Variants in ABI3BP observed in about 807,000 individuals in gnomAD.
ABI3BP encodes the protein ABI family member 3 binding protein, also known as target of Nesh-SH3.
Under a neutral mutation model 268.6 loss-of-function variants are expected in ABI3BP, and 216 were observed. That is an observed-to-expected ratio of 0.80 (90% confidence interval 0.72 to 0.90). The LOEUF is 0.90. Among genes scored for constraint, ABI3BP ranks in the 40% least tolerant of loss-of-function variants. ABI3BP has a pLI of 0.00. For missense variants in ABI3BP, 2,090 were observed against 2,182.4 expected, an observed-to-expected ratio of 0.96 and a Z score of 0.84; for synonymous variants, 730 against 730.0, an observed-to-expected ratio of 1.00 and a Z score of 0.00.
In ABI3BP at chr3:100,834,709, G is replaced by A; in HGVS notation, c.2256C>T (p.Arg752=). Residue 752 remains arginine, a synonymous_variant, in exon 29 of 68, where the codon CGC becomes CGT. Transcript: ENST00000471714. ...CTAGTTTGGTCTGCAGTGTCTCTGG[G>A]CGTGGCGTGGTTTTATGTTTGGGAC... ...RPRPKHKTTP[R]PETLQTKLDF... 7.8e-6 allele frequency: 12 copies of A among 1,535,702 alleles called. No homozygotes were observed. The highest frequency in any genetic ancestry group is 1.0e-5 in the Non-Finnish European group (12 of 1,146,540).
intron 24 of ABI3BP, among the ~76,000 whole-genome samples, chr3:100,839,279 G>A (rs1295954356): frequency 1.3e-5 from 2 of 152,302 alleles, no homozygotes; most frequent in East Asian, 3.9e-4. Context: ...CCCTGTCTGA[G>A]AAGGAGTTGA....
chr3:100,913,442 A>G (rs2057493792), intron 2 of ABI3BP, among the ~76,000 whole-genome samples: 1 of 152,210 alleles, frequency 6.6e-6, no homozygotes, highest in African/African-American at 2.4e-5. Context: ...GACCAACTCA[A>G]GAACATCACT....
chr3:100,781,823 C>T (rs2096872757), intron 57 of ABI3BP, among the ~76,000 whole-genome samples: 2 of 152,252 alleles, frequency 1.3e-5, no homozygotes, highest in Non-Finnish European at 2.9e-5. Context: ...CATGACTTGA[C>T]TTAATCCTTA....
chr3:100,847,016 T>C (rs2098777426), intron 19 of ABI3BP, among the ~76,000 whole-genome samples: 1 of 152,220 alleles, frequency 6.6e-6, no homozygotes, highest in Non-Finnish European at 1.5e-5. Context: ...CAGTAGCTGA[T>C]GTGCATATCT....
intron 63 of ABI3BP, among the ~76,000 whole-genome samples, chr3:100,756,650 C>T (rs552332179): frequency 1.3e-5 from 2 of 152,278 alleles, no homozygotes; most frequent in East Asian, 3.9e-4. Flanking sequence ...CGTTCCAGGC[C>T]ATTGCCAAAA....
chr3:100,875,682 TATTA>T (rs1233512714), intron 7 of ABI3BP, 103 bp from the exon 8 acceptor site: 1 of 801,048 alleles, frequency 1.2e-6, no homozygotes. Context: ...GATCTAACTT[TATTA>T]ATTAATACAA....
chr3:100,843,552 A>T lies in ABI3BP; in HGVS notation c.1724-1513T>A, dbSNP rs897158010. On this transcript the variant is annotated intron_variant, in intron 20 of 67. Coordinates refer to ENST00000471714, the MANE Select transcript of ABI3BP (RefSeq NM_001375547.2). ...GTGTGTGTGTGTGTGTGAGAGAGAG[A>T]GAGAGAGAGAGAGAGGGAAGGGGAG... The T allele has an allele frequency of 1.9e-3, 1,784 of 917,650 alleles. 22 individuals are homozygous for T. In the African/African-American group the frequency reaches 0.03, roughly 16 times the overall value. The allele number at this position is 917,650 out of a possible 1,614,324, so 56.8% of individuals were successfully genotyped here. A position where few individuals can be genotyped will look rare whatever the true frequency, so the allele number is the denominator to read the frequency against.
intron 1 of ABI3BP, among the ~76,000 whole-genome samples, chr3:100,946,656 T>C (rs1475772869): frequency 6.6e-6 from 1 of 151,608 alleles, no homozygotes; most frequent in African/African-American, 2.4e-5. Context: ...GGCGTGGTGG[T>C]GCATGCCTGT....
intron 15 of ABI3BP, among the ~76,000 whole-genome samples, chr3:100,851,581 G>A (rs142350860): frequency 1.4e-4 from 22 of 152,176 alleles, no homozygotes; most frequent in Admixed American, 1.2e-3. Flanking sequence ...CTAGAAACTC[G>A]AAGACCTTTT....
chr3:100,896,873 G>A (rs2047952564), intron 4 of ABI3BP, among the ~76,000 whole-genome samples: 1 of 152,092 alleles, frequency 6.6e-6, no homozygotes, highest in Non-Finnish European at 1.5e-5. Flanking sequence ...ATTGGGTTTT[G>A]GAAATATCTT....
At chr3:100,763,937 G>T (rs2096123469) in intron 63 of ABI3BP, among the ~76,000 whole-genome samples, 1 of 152,106 alleles carries the variant, frequency 6.6e-6, no homozygotes, top group South Asian at 2.1e-4. Flanking sequence ...ATGAAAAGTG[G>T]GAGCAAGTCA....
At chr3:100,933,716 GA>G (rs1397850679) in intron 1 of ABI3BP, among the ~76,000 whole-genome samples, 4 of 150,420 alleles carry the variant, frequency 2.7e-5, no homozygotes, top group South Asian at 2.1e-4. Context: ...GAAAAAACAT[GA>G]AAAAAATAAC....
chr3:100,840,943 T>C, intron 21 of ABI3BP, 85 bp from the exon 22 acceptor site: 1 of 1,089,618 alleles, frequency 9.2e-7, no homozygotes, highest in South Asian at 1.5e-5. Flanking sequence ...TATGCTTAAT[T>C]TTTAATTACT....
chr3:100,828,510 C>G, intron 33 of ABI3BP, 58 bp from the exon 34 acceptor site: 1 of 1,426,800 alleles, frequency 7.0e-7, no homozygotes, highest in South Asian at 1.3e-5. Context: ...TATAAAAACT[C>G]AGAACATTCA....
At chr3:100,763,331 TA>T (rs1337694540) in intron 63 of ABI3BP, among the ~76,000 whole-genome samples, 4 of 151,590 alleles carry the variant, frequency 2.6e-5, no homozygotes, top group Non-Finnish European at 5.9e-5. Flanking sequence ...GGTGTGGTGG[TA>T]GGTGCCCGTA....
intron 20 of ABI3BP, among the ~76,000 whole-genome samples, chr3:100,845,801 T>G (rs1156530068): frequency 2.0e-5 from 3 of 151,486 alleles, no homozygotes; most frequent in African/African-American, 7.3e-5. Context: ...TTTTATGTCT[T>G]AAATTATTAT....
chr3:100,954,996 T>TC lies in ABI3BP; in HGVS notation c.80-28516_80-28515insG, dbSNP rs1236749878. ...TTGTCTTTTTTTTTTTTTTTTTTTT[T>TC]TTTTACGAATCATAAAGCTCAACTG... On this transcript the variant is annotated intron_variant, in intron 1 of 67. Coordinates refer to ENST00000471714, the MANE Select transcript of ABI3BP (RefSeq NM_001375547.2). 7.8e-3 allele frequency among the ~76,000 whole-genome samples: 218 copies of TC among 28,080 alleles called. 2 individuals carry two copies. The highest frequency in any genetic ancestry group is 0.055 in the East Asian group (76 of 1,392). 18.4% of individuals were successfully genotyped at this position (28,080 alleles called of 152,430 possible). A position where few individuals can be genotyped will look rare whatever the true frequency, so the allele number is the denominator to read the frequency against.
At chr3:100,770,476 G>A (rs2149895330) in intron 62 of ABI3BP, among the ~76,000 whole-genome samples, 1 of 152,260 alleles carries the variant, frequency 6.6e-6, no homozygotes, top group Middle Eastern at 3.4e-3. Flanking sequence ...TCTTCATTGT[G>A]TGAAAAAGAG....
chr3:100,970,427 C>T (rs900238608), intron 1 of ABI3BP, among the ~76,000 whole-genome samples: 7 of 152,140 alleles, frequency 4.6e-5, no homozygotes. Context: ...TACATGATGC[C>T]CAACTCACAG....
Sources: gnomAD v4.1 joint callset for allele counts (sites outside exome capture counted in the v4.1 genomes callset) on GRCh38, gnomAD v4.1.1 for gene constraint, MANE v1.5 for transcripts, NCBI Gene and HGNC (gene_info 2026-07-23, HGNC 2026-07-21) for gene names.